The following ITGBL1 variants were observed in gnomAD, a reference collection of about 807,000 sequenced individuals.
ITGBL1 encodes integrin subunit beta like 1.
A neutral mutation model predicts 68.5 loss-of-function variants in ITGBL1; 51 were observed. That is an observed-to-expected ratio of 0.74 (90% CI 0.59 to 0.94). ITGBL1 has a LOEUF of 0.94. ITGBL1 is among the 40% of genes least tolerant of loss of function. The probability of loss-of-function intolerance (pLI) is 0.00; values close to 1 mark genes in which losing one functional copy is unlikely to be tolerated. For synonymous variants in ITGBL1, 209 were observed against 227.3 expected (o/e 0.92, Z 0.72); for missense variants, 649 against 647.4 (o/e 1.00, Z -0.03).
intron 7 of ITGBL1, among the ~76,000 whole-genome samples, chr13:101,617,501 C>A (rs796171016): frequency 3.4e-4 from 51 of 152,144 alleles, no homozygotes; most frequent in African/African-American, 1.2e-3. Flanking sequence ...CATATGAGTA[C>A]AACCTGGCAT....
chr13:101,479,046 T>C (rs1289177689), intron 2 of ITGBL1, among the ~76,000 whole-genome samples: 1 of 152,196 alleles, frequency 6.6e-6, no homozygotes, highest in East Asian at 1.9e-4. Flanking sequence ...TCATATTACC[T>C]GACTTCAAAT....
intron 8 of ITGBL1, among the ~76,000 whole-genome samples, chr13:101,694,600 G>A (rs1012905176): frequency 1.3e-5 from 2 of 149,206 alleles, no homozygotes; most frequent in African/African-American, 2.6e-5. Context: ...TTTATTTTTT[G>A]TGGAGATTTG....
chr13:101,540,038 C>A (rs1373266669), intron 2 of ITGBL1, among the ~76,000 whole-genome samples: 1 of 152,170 alleles, frequency 6.6e-6, no homozygotes, highest in Non-Finnish European at 1.5e-5. Context: ...TTTTGCTGTG[C>A]AGAAGCTCTT....
chr13:101,708,545 G>C (rs928786474), intron 9 of ITGBL1, among the ~76,000 whole-genome samples: 1 of 152,166 alleles, frequency 6.6e-6, no homozygotes, highest in African/African-American at 2.4e-5. Context: ...CACACACGAA[G>C]GAAGGAGGTC....
chr13:101,479,548 C>G (rs1437181707), intron 2 of ITGBL1, among the ~76,000 whole-genome samples: 1 of 151,760 alleles, frequency 6.6e-6, no homozygotes, highest in African/African-American at 2.4e-5. Flanking sequence ...AAAATATTTG[C>G]AAACTATTCA....
chr13:101,670,842 A>G (rs574097600), intron 7 of ITGBL1, among the ~76,000 whole-genome samples: 23 of 146,662 alleles, frequency 1.6e-4, no homozygotes, highest in African/African-American at 6.1e-4. Context: ...TTTTCAAGTT[A>G]TATTTATATG....
At chr13:101,701,204 C>T (rs377610563) in intron 8 of ITGBL1, among the ~76,000 whole-genome samples, 25 of 152,134 alleles carry the variant, frequency 1.6e-4, no homozygotes, top group African/African-American at 5.8e-4. Flanking sequence ...TAGATACCAA[C>T]TTAACTTCGT....
chr13:101,668,269 T>A (rs1256876102), intron 7 of ITGBL1, among the ~76,000 whole-genome samples: 1 of 152,056 alleles, frequency 6.6e-6, no homozygotes, highest in Non-Finnish European at 1.5e-5. Flanking sequence ...CCTCCTATAA[T>A]CCCAGCTACT....
At chr13:101,527,047 C>T (rs536708174) in intron 2 of ITGBL1, among the ~76,000 whole-genome samples, 13 of 152,096 alleles carry the variant, frequency 8.5e-5, no homozygotes, top group African/African-American at 3.1e-4. Flanking sequence ...AACAAAAATT[C>T]AGACACCCTA....
At chr13:101,502,273 T>C (rs929730666) in intron 2 of ITGBL1, among the ~76,000 whole-genome samples, 4 of 152,216 alleles carry the variant, frequency 2.6e-5, no homozygotes, top group African/African-American at 9.6e-5. Context: ...TGTGATATAA[T>C]AAGTTATCAG....
In ITGBL1 at chr13:101,689,418, A is replaced by AATAGAAGT. The variant is rs2033834079; in HGVS notation, c.1016-3166_1016-3159dup. Among the ~76,000 whole-genome samples the AATAGAAGT allele has an allele frequency of 3.3e-5, 5 of 151,938 alleles. No homozygotes were observed. The South Asian group carries it at 1.0e-3, about 32-fold the overall frequency. ...TGGTAGTGATTTGTGGTAGTGGCTA[A>AATAGAAGT]ATAGAAGTTGTGAACTGAGGCAGCA... On this transcript the variant is annotated intron_variant, in intron 7 of 10. Transcript: ENST00000376180.
chr13:101,685,439 T>A (rs577823984), intron 7 of ITGBL1, among the ~76,000 whole-genome samples: 1 of 152,218 alleles, frequency 6.6e-6, no homozygotes, highest in South Asian at 2.1e-4. Context: ...TTGTAATTTT[T>A]AAAATCTTGG....
chr13:101,453,453 A>G (rs1284816979), intron 1 of ITGBL1, among the ~76,000 whole-genome samples: 1 of 152,266 alleles, frequency 6.6e-6, no homozygotes, highest in African/African-American at 2.4e-5. Flanking sequence ...CTTCTGTAAT[A>G]TAAGTGCCCA....
chr13:101,555,108 A>G (rs527454492), intron 2 of ITGBL1, among the ~76,000 whole-genome samples: 1 of 152,208 alleles, frequency 6.6e-6, no homozygotes, highest in South Asian at 2.1e-4. Context: ...ATATTATCAT[A>G]AAGTATAAAA....
intron 5 of ITGBL1, 53 bp from the exon 6 acceptor site, chr13:101,583,159 GCTTT>G: frequency 6.6e-7 from 1 of 1,522,646 alleles, no homozygotes; most frequent in Non-Finnish European, 9.1e-7. Context: ...TATGTGAAAT[GCTTT>G]CTTTCATGGT....
At chr13:101,681,507 G>A (rs535394080) in intron 7 of ITGBL1, among the ~76,000 whole-genome samples, 1 of 152,262 alleles carries the variant, frequency 6.6e-6, no homozygotes, top group Non-Finnish European at 1.5e-5. Flanking sequence ...AGTTATCTGA[G>A]GACTCTCTTG....
chr13:101,453,773 G>A, intron 1 of ITGBL1, 110 bp from the exon 2 acceptor site: 1 of 609,538 alleles, frequency 1.6e-6, no homozygotes, highest in Non-Finnish European at 2.3e-6. Context: ...TCCTGTTCTT[G>A]GGGTTGTACG....
chr13:101,600,258 GA>G (rs2030278054), intron 7 of ITGBL1, among the ~76,000 whole-genome samples: 1 of 152,134 alleles, frequency 6.6e-6, no homozygotes, highest in Non-Finnish European at 1.5e-5. Flanking sequence ...TGGTGTATAA[GA>G]ATGCTTGTGA....
chr13:101,552,255 G>A (rs568888915), intron 2 of ITGBL1, among the ~76,000 whole-genome samples: 1 of 152,266 alleles, frequency 6.6e-6, no homozygotes, highest in Non-Finnish European at 1.5e-5. Context: ...CAGAGAGAGA[G>A]TATCATATCC....
Sources: allele counts gnomAD v4.1 joint callset (sites outside exome capture counted in the v4.1 genomes callset), GRCh38; gene constraint gnomAD v4.1.1; transcripts MANE v1.5; gene names NCBI Gene and HGNC (gene_info 2026-07-23, HGNC 2026-07-21).